PPP6R3: variants seen among roughly 807,000 people sequenced by gnomAD.
The protein encoded by PPP6R3 is protein phosphatase 6 regulatory subunit 3.
PPP6R3 carries 38 observed loss-of-function variants against 110.7 expected under a neutral mutation model. The observed-to-expected ratio is 0.34, with a 90% CI of 0.26 to 0.45. PPP6R3 has a LOEUF of 0.45. Among genes scored for constraint, PPP6R3 ranks in the 20% least tolerant of loss-of-function variants. The pLI is 1.00. For synonymous variants in PPP6R3, 369 were observed against 373.5 expected (o/e 0.99, Z 0.14); for missense variants, 870 against 1,062.4 (o/e 0.82, Z 2.52).
rs182253652 is a variant in PPP6R3 at position 68,580,141 on chromosome 11, C to T, written c.1546-2902C>T. On this transcript the variant is annotated intron_variant, in intron 14 of 23. Transcript: ENST00000393800. ...AGGGAAGAGCAAAATGCAGAGGACT[C>T]GAATTTGGGTTGTTCCTAGTGTGTG... Among the ~76,000 whole-genome samples, 328 of 152,066 alleles carry T rather than the reference C, an allele frequency of 2.2e-3. 2 individuals carry two copies. Among genetic ancestry groups the T allele is most frequent in the Non-Finnish European group, 9.6e-4 (65 of 67,982 alleles).
At chr11:68,588,978 G>A (rs1282361480) in intron 16 of PPP6R3, among the ~76,000 whole-genome samples, 1 of 151,818 alleles carries the variant, frequency 6.6e-6, no homozygotes, top group African/African-American at 2.4e-5. Context: ...AGGCCGAGCC[G>A]GGCGGATCAC....
chr11:68,531,659 A>G (rs2099241424), intron 2 of PPP6R3, among the ~76,000 whole-genome samples: 1 of 152,198 alleles, frequency 6.6e-6, no homozygotes, highest in Non-Finnish European at 1.5e-5. Flanking sequence ...GAAGCTTTAA[A>G]GCTCACTGAT....
rs765621234 is a variant in PPP6R3, at chr11:68,564,342, C to T, written c.885C>T (p.Ser295=). 6.2e-7 allele frequency: 1 copy of T among 1,612,662 alleles called. No homozygotes were observed. The highest frequency in any genetic ancestry group is 8.5e-7 in the Non-Finnish European group (1 of 1,178,698). Residue 295 remains serine, a synonymous_variant, in exon 9 of 24, where the codon AGC becomes AGT. Coordinates refer to ENST00000393800, the MANE Select transcript of PPP6R3 (RefSeq NM_001164161.2). ...TAGAGATCTGCCCACCAGGCATGAG[C>T]CATTCAGCTTGTTCAGTAAACAAGA... The part of the protein sequence containing the change: ...GHIEICPPGM[S]HSACSVNKSV...
chr11:68,566,326 C>G (rs1412317378), intron 9 of PPP6R3, among the ~76,000 whole-genome samples: 1 of 151,612 alleles, frequency 6.6e-6, no homozygotes, highest in East Asian at 1.9e-4. Context: ...TCCTCCTTCT[C>G]TTTCCTCCTC....
At chr11:68,577,418 G>A (rs1173949330) in intron 14 of PPP6R3, among the ~76,000 whole-genome samples, 1 of 152,174 alleles carries the variant, frequency 6.6e-6, no homozygotes, top group Non-Finnish European at 1.5e-5. Flanking sequence ...GGGGACTATT[G>A]TCTTGTCTTA....
intron 2 of PPP6R3, among the ~76,000 whole-genome samples, chr11:68,528,493 C>T (rs1230947658): frequency 6.6e-6 from 1 of 150,994 alleles, no homozygotes; most frequent in Non-Finnish European, 1.5e-5. Flanking sequence ...GAAACAGCTA[C>T]TGCGTGAACT....
chr11:68,519,695 A>G (rs547135120), intron 2 of PPP6R3, 44 bp downstream of exon 2: 9 of 398,248 alleles, frequency 2.3e-5, no homozygotes, highest in East Asian at 7.1e-5. Context: ...CATTAATGAC[A>G]TCAAGGAAAG....
rs149842146 is a variant in PPP6R3 at position 68,474,307 on chromosome 11, A to G, written c.-158+13480A>G. 3.4e-3 allele frequency among the ~76,000 whole-genome samples: 519 copies of G among 152,240 alleles called. 6 individuals are homozygous for G. The highest frequency in any genetic ancestry group is 0.012 in the African/African-American group (496 of 41,534). ...GCAGTCCACCCACCTTGGCCTCTCA[A>G]AGTGTTGGGATTACAGGCATGTGCC... On this transcript the variant is annotated intron_variant, in intron 1 of 23. Transcript: ENST00000393800.
intron 2 of PPP6R3, among the ~76,000 whole-genome samples, chr11:68,533,872 T>C (rs752611674): frequency 6.6e-6 from 1 of 152,174 alleles, no homozygotes; most frequent in African/African-American, 2.4e-5. Context: ...GCCACGCTGC[T>C]GGAGCACACG....
intron 18 of PPP6R3, among the ~76,000 whole-genome samples, chr11:68,593,371 G>A (rs903760234): frequency 2.0e-5 from 3 of 151,886 alleles, no homozygotes; most frequent in Admixed American, 6.6e-5. Flanking sequence ...ATTTTTGTGG[G>A]GTTGGGCAGG....
intron 15 of PPP6R3, chr11:68,586,258 G>T (rs1046505332): frequency 6.6e-6 from 1 of 152,134 alleles, no homozygotes; most frequent in Non-Finnish European, 1.5e-5. Context: ...CCAGATCTTT[G>T]AGGTACTGAG....
Position 68,613,919 on chromosome 11 carries a change from CTTTTGT to C in PPP6R3, c.*811_*816del, listed in dbSNP as rs1944647470. ...TGGGATTTTTTTTTTTTTTTTTTGG[CTTTTGT>C]TTTTGTTTGTTTTTTTGTTTCATTT... On this transcript the variant is annotated 3_prime_UTR_variant, in exon 24 of 24. Transcript: ENST00000393800. The C allele has an allele frequency of 3.3e-6, 3 of 912,870 alleles. No individual in the cohort carries two copies. Among genetic ancestry groups the C allele is most frequent in the East Asian group, 1.4e-4 (1 of 7,376 alleles). 56.5% of individuals were successfully genotyped at this position (912,870 alleles called of 1,614,324 possible).
At chr11:68,479,182 T>TTTCTTACCTTGGCTTCCTG (rs2098876673) in intron 1 of PPP6R3, among the ~76,000 whole-genome samples, 3 of 152,196 alleles carry the variant, frequency 2.0e-5, no homozygotes, top group Admixed American at 2.0e-4. Flanking sequence ...GGCGTACCAT[T>TTTCTTACCTTGGCTTCCTG]AATACAATTA....
chr11:68,590,612 G>A (rs775750028), intron 16 of PPP6R3, 48 bp from the exon 17 acceptor site: 4 of 1,503,082 alleles, frequency 2.7e-6, no homozygotes, highest in African/African-American at 2.7e-5. Context: ...GTTTCTGTGA[G>A]CTGATAGTAA....
intron 21 of PPP6R3, among the ~76,000 whole-genome samples, chr11:68,603,066 G>A (rs954344337): frequency 1.3e-5 from 2 of 152,188 alleles, no homozygotes; most frequent in Non-Finnish European, 2.9e-5. Context: ...TCTGCTGGGA[G>A]AAGCTGGGTA....
At chr11:68,568,683 G>A (rs2099489272) in intron 10 of PPP6R3, among the ~76,000 whole-genome samples, 1 of 151,994 alleles carries the variant, frequency 6.6e-6, no homozygotes, top group Non-Finnish European at 1.5e-5. Flanking sequence ...GTATTTTTGT[G>A]TATCTCTGTC....
At chr11:68,519,469 T>C (rs985387066) in intron 1 of PPP6R3, 32 bp from the exon 2 acceptor site, 6 of 396,102 alleles carry the variant, frequency 1.5e-5, no homozygotes, top group Admixed American at 1.3e-4. Flanking sequence ...AGAGAACATA[T>C]GTGATTATCT....
intron 1 of PPP6R3, among the ~76,000 whole-genome samples, chr11:68,507,093 G>A (rs1233678289): frequency 6.6e-6 from 1 of 152,208 alleles, no homozygotes; most frequent in Non-Finnish European, 1.5e-5. Flanking sequence ...AGTGATTTGA[G>A]TGTCCATTAG....
At position 68,614,296 on chromosome 11, in the gene PPP6R3, GT is replaced by G. The variant is rs1944763410; in HGVS notation, c.*1180del. ...TTCAATGTAATTTATAATTTTCTAT[GT>G]CAATACAAAAATACATCACAGCCTT... On this transcript the variant is annotated 3_prime_UTR_variant, in exon 24 of 24. Coordinates refer to ENST00000393800, the MANE Select transcript of PPP6R3 (RefSeq NM_001164161.2). 6 of 1,044,784 alleles carry G rather than the reference GT, an allele frequency of 5.7e-6. No individual in the cohort carries two copies. The highest frequency in any genetic ancestry group is 6.9e-6 in the Non-Finnish European group (6 of 867,164). The allele number at this position is 1,044,784 out of a possible 1,614,324, so 64.7% of individuals were successfully genotyped here. A position where few individuals can be genotyped will look rare whatever the true frequency, so the allele number is the denominator to read the frequency against.
Sources: gnomAD v4.1 joint callset for allele counts (sites outside exome capture counted in the v4.1 genomes callset) on GRCh38, gnomAD v4.1.1 for gene constraint, MANE v1.5 for transcripts, NCBI Gene and HGNC (gene_info 2026-07-23, HGNC 2026-07-21) for gene names.